The following NOLC1 variants were observed in gnomAD, a reference collection of about 807,000 sequenced individuals.
NOLC1 encodes the protein nucleolar and coiled-body phosphoprotein 1, also known as 140 kDa nucleolar phosphoprotein.
Under a neutral mutation model 73.4 loss-of-function variants are expected in NOLC1, and 37 were observed. The ratio of observed to expected loss-of-function variants is 0.50; its 90% CI spans 0.39 to 0.66. The LOEUF is 0.66. Among genes scored for constraint, NOLC1 ranks in the 30% least tolerant of loss-of-function variants. NOLC1 has a pLI of 0.00. For missense variants in NOLC1, 921 were observed against 838.9 expected, an observed-to-expected ratio of 1.10 and a Z score of -1.21; for synonymous variants, 327 against 302.6, an observed-to-expected ratio of 1.08 and a Z score of -0.84.
Position 102,160,934 on chromosome 10 carries a change from G to A in NOLC1, c.1582G>A (p.Glu528Lys). 6.2e-7 allele frequency: 1 copy of A among 1,614,162 alleles called. No homozygotes were observed. ...NSSSSDDSSE[E>K]EEEKLKGKGS... ...TTCTTCTTCTGATGACTCCAGTGAG[G>A]AAGAGGAAGAGAAGCTCAAGGGCAA... The change falls in exon 10 of 13, where the codon GAA becomes AAA. Residue 528 changes from glutamate (E) to lysine (K), a missense_variant. Transcript: ENST00000605788.
intron 7 of NOLC1, 150 bp downstream of exon 7, chr10:102,159,718 A>G (rs948531726): frequency 2.3e-5 from 25 of 1,101,338 alleles, no homozygotes; most frequent in Non-Finnish European, 2.9e-5. Context: ...GCAAGGAGAA[A>G]TCTCCAGTGC....
Position 102,159,242 on chromosome 10 carries a change from T to TAGA in NOLC1, c.659_660insAAG (p.Ser219_Ser220insArg). On this transcript the variant is annotated inframe_insertion, in exon 6 of 13. Transcript: ENST00000605788. ...ATGGTAAAGCAGCCAGTAGCAGCAG[T>TAGA]AGCAGCAGCAGCAGCAGTAGCAGTG... 1 of 1,612,996 alleles carries TAGA rather than the reference T, an allele frequency of 6.2e-7. No homozygotes were observed. The highest frequency in any genetic ancestry group is 2.2e-5 in the East Asian group (1 of 44,856).
At chr10:102,161,199 A>G (rs1357744320) in intron 10 of NOLC1, 106 bp downstream of exon 10, 4 of 1,206,138 alleles carry the variant, frequency 3.3e-6, no homozygotes, top group Non-Finnish European at 4.5e-6. Context: ...CTGGGCTTCC[A>G]GTTGTGGAAA....
At chr10:102,158,573 A>G (rs779729057) in intron 5 of NOLC1, among the ~76,000 whole-genome samples, 2 of 152,118 alleles carry the variant, frequency 1.3e-5, no homozygotes, top group African/African-American at 2.4e-5. Flanking sequence ...TGTTCATTCT[A>G]TGAGACAAAT....
rs759990535 is a variant in NOLC1, at chr10:102,162,145, A to G, written c.1976A>G (p.Asn659Ser). 25 of 1,614,012 alleles carry G rather than the reference A, an allele frequency of 1.5e-5. No individual in the cohort carries two copies. The highest frequency in any genetic ancestry group is 2.7e-5 in the African/African-American group (2 of 74,922). The change falls in exon 13 of 13, where the codon AAT becomes AGT. Residue 659 changes from asparagine to serine, a missense_variant. Asn to Ser is a conservative substitution (Grantham distance 46). Transcript: ENST00000605788. ...GAAGDWGERA[N>S]QVLKFTKGKS... ...GCCGGAGACTGGGGAGAGCGAGCCAATCAGGTTTTGAAGTTCACCAAAGGC... is the reference window on the plus strand; with the variant it reads ...GCCGGAGACTGGGGAGAGCGAGCCAGTCAGGTTTTGAAGTTCACCAAAGGC...
rs1235770820 is a variant in NOLC1, at chr10:102,163,108, G to GT, written c.*845dup. ...TCTAAGTTGAGGACTGCATCTTCTC[G>GT]TTTTTTACAGTATAGAGAACAAAAT... is the stretch of plus-strand genomic sequence containing the variant. On this transcript the variant is annotated 3_prime_UTR_variant, in exon 13 of 13. Transcript: ENST00000605788. 1 of 152,066 alleles carries GT rather than the reference G, an allele frequency of 6.6e-6. No homozygotes were observed. Among genetic ancestry groups the GT allele is most frequent in the East Asian group, 1.9e-4 (1 of 5,206 alleles). 9.4% of individuals were successfully genotyped at this position (152,066 alleles called of 1,614,324 possible).
In NOLC1 at chr10:102,156,284, G is replaced by A. The variant is rs1279962057; in HGVS notation, c.121-735G>A. Among the ~76,000 whole-genome samples the A allele has an allele frequency of 5.3e-5, 8 of 151,930 alleles. No individual in the cohort carries two copies. The South Asian group carries it at 1.7e-3, about 31-fold the overall frequency. Reference sequence around the variant, plus strand: ...GAGTAAAGAGAGAGCCTTTTTTTTGGCAGAGGGGTAGAGATGGGGGTCTTG... The same window carrying A: ...GAGTAAAGAGAGAGCCTTTTTTTTGACAGAGGGGTAGAGATGGGGGTCTTG... On this transcript the variant is annotated intron_variant, in intron 1 of 12. Coordinates refer to ENST00000605788, the MANE Select transcript of NOLC1 (RefSeq NM_004741.5).
At chr10:102,161,464 T>C (rs1030721494) in intron 10 of NOLC1, 92 bp from the exon 11 acceptor site, 7 of 883,944 alleles carry the variant, frequency 7.9e-6, no homozygotes, top group African/African-American at 6.8e-5. Context: ...TTTCCTGGGC[T>C]CAAGCGATCC....
At chr10:102,161,157 TTGAGAG>T in intron 10 of NOLC1, 64 bp downstream of exon 10, 2 of 1,490,948 alleles carry the variant, frequency 1.3e-6, no homozygotes, top group East Asian at 4.5e-5. Context: ...GATATACTCT[TTGAGAG>T]TAGGGTAGTG....
rs763550411 is a variant in NOLC1 at position 102,157,361 on chromosome 10, C to A, written c.316+33C>A. On this transcript the variant is annotated intron_variant, in intron 3 of 12. Coordinates refer to ENST00000605788, the MANE Select transcript of NOLC1 (RefSeq NM_004741.5). Reference sequence around the variant, plus strand: ...AGAGTAGCAGGTGGGCTTGGTGGTGCCAGGAAAAGAATTTACAGCCTGCTT... The same window carrying A: ...AGAGTAGCAGGTGGGCTTGGTGGTGACAGGAAAAGAATTTACAGCCTGCTT... 4 of 1,612,728 alleles carry A rather than the reference C, an allele frequency of 2.5e-6. No individual in the cohort carries two copies. The East Asian group carries it at 8.9e-5, about 36-fold the overall frequency.
chr10:102,160,372 T>C, intron 9 of NOLC1, 29 bp downstream of exon 9: 1 of 1,613,328 alleles, frequency 6.2e-7, no homozygotes. Context: ...CTCAGTTCAG[T>C]GAGATGCTCT....
Position 102,160,003 on chromosome 10 carries a change from G to A in NOLC1, c.967G>A (p.Glu323Lys). Residue 323 changes from glutamate to lysine, a missense_variant, in exon 8 of 13, where the codon GAA (glutamate) becomes AAA (lysine). Glu to Lys is a moderately conservative substitution (Grantham distance 56). Coordinates refer to ENST00000605788, the MANE Select transcript of NOLC1 (RefSeq NM_004741.5). ...GAAGCAGCAGCCTGTGGAAAGCAGT[G>A]AAGACAGCAGTGATGAGTCTGGTGA... ...VEKQQPVESS[E>K]DSSDESDSSS... 2 of 1,612,900 alleles carry A rather than the reference G, an allele frequency of 1.2e-6. No homozygotes were observed. The highest frequency in any genetic ancestry group is 8.5e-7 in the Non-Finnish European group (1 of 1,179,458).
In NOLC1 at chr10:102,162,374, CAGA is replaced by C. The variant is rs1193384382; in HGVS notation, c.*108_*110del. On this transcript the variant is annotated 3_prime_UTR_variant, in exon 13 of 13. Transcript: ENST00000605788. ...CTCTAGGTGAGGGTCTTGATGAGGA[CAGA>C]AGTTTAGAGTAGGTCCTAAGACTTT... The C allele has an allele frequency of 3.9e-6, 5 of 1,275,320 alleles. No individual in the cohort carries two copies. The highest frequency in any genetic ancestry group is 5.5e-6 in the Non-Finnish European group (5 of 912,796). 79.0% of individuals were successfully genotyped at this position (1,275,320 alleles called of 1,614,324 possible).
intron 12 of NOLC1, 63 bp from the exon 13 acceptor site, chr10:102,162,047 AG>A (rs1261668982): frequency 1.2e-6 from 2 of 1,604,934 alleles, no homozygotes; most frequent in African/African-American, 2.7e-5. Context: ...GGGAGTAGAA[AG>A]AATAAAGTGA....
In NOLC1 at chr10:102,160,470, A is replaced by G; in HGVS notation, c.1118A>G (p.Asp373Gly). 1.9e-6 allele frequency: 3 copies of G among 1,613,784 alleles called. No individual in the cohort carries two copies. Among genetic ancestry groups the G allele is most frequent in the Non-Finnish European group, 2.5e-6 (3 of 1,179,854 alleles). ...SDSSDSDSSEDDEAPSKPAGT... is the reference protein window; with the variant it reads ...SDSSDSDSSEGDEAPSKPAGT... The stretch of plus-strand genomic sequence containing the variant: ...TGTCTAGACTCTGACAGCTCTGAGG[A>G]TGATGAAGCTCCTTCTAAGCCAGCT... The change falls in exon 10 of 13, where the codon GAT becomes GGT. Residue 373 changes from aspartate to glycine, a missense_variant. Coordinates refer to ENST00000605788, the MANE Select transcript of NOLC1 (RefSeq NM_004741.5).
chr10:102,154,145 C>G, intron 1 of NOLC1, among the ~76,000 whole-genome samples: 1 of 149,296 alleles, frequency 6.7e-6, no homozygotes. Context: ...GATCTCAGCT[C>G]ACTGCAACCT....
At chr10:102,160,124 T>A in intron 8 of NOLC1, 100 bp downstream of exon 8, 1 of 1,586,386 alleles carries the variant, frequency 6.3e-7, no homozygotes, top group South Asian at 1.1e-5. Context: ...TGCTTTTTGC[T>A]TAAAGCAAGA....
At chr10:102,154,212 C>T (rs1056549299) in intron 1 of NOLC1, among the ~76,000 whole-genome samples, 10 of 149,596 alleles carry the variant, frequency 6.7e-5, no homozygotes, top group Non-Finnish European at 1.2e-4. Context: ...GCTGGGACTA[C>T]AGGTGTGCCC....
In NOLC1 at chr10:102,157,040, T is replaced by C. The variant is rs765860972; in HGVS notation, c.142T>C (p.Ser48Pro). The C allele has an allele frequency of 4.3e-6, 7 of 1,614,218 alleles. No individual in the cohort carries two copies. In the South Asian group the frequency reaches 7.7e-5, roughly 18 times the overall value. Residue 48 changes from serine to proline, a missense_variant, in exon 2 of 13, where the codon TCT (serine) becomes CCT (proline). Physicochemically the swap from Ser to Pro is moderately conservative, Grantham distance 74 (BLOSUM62 -1). Coordinates refer to ENST00000605788, the MANE Select transcript of NOLC1 (RefSeq NM_004741.5). ...ACAGACACAGCAGGATGCCAATGCC[T>C]CTTCCCTCTTAGACATCTATAGCTT... ...TGATQQDANA[S>P]SLLDIYSFWL...
Sources: allele counts gnomAD v4.1 joint callset (sites outside exome capture counted in the v4.1 genomes callset), GRCh38; gene constraint gnomAD v4.1.1; transcripts MANE v1.5; gene names NCBI Gene and HGNC (gene_info 2026-07-23, HGNC 2026-07-21).